Variants in ADAMTS2 observed in about 807,000 individuals in gnomAD.
ADAMTS2 encodes A disintegrin and metalloproteinase with thrombospondin motifs 2.
ADAMTS2 carries 50 observed loss-of-function variants against 123.0 expected under a neutral mutation model. The observed-to-expected ratio is 0.41, with a 90% confidence interval of 0.32 to 0.51. The LOEUF (loss-of-function observed/expected upper bound fraction) is 0.51. ADAMTS2 is among the 20% of genes least tolerant of loss of function. The pLI is 0.35. For missense variants in ADAMTS2, 1,494 were observed against 1,705.2 expected, an observed-to-expected ratio of 0.88 and a Z score of 2.18; for synonymous variants, 678 against 695.4, an observed-to-expected ratio of 0.98 and a Z score of 0.39.
At chr5:179,284,314 G>A (rs1391687681) in intron 2 of ADAMTS2, among the ~76,000 whole-genome samples, 4 of 151,894 alleles carry the variant, frequency 2.6e-5, no homozygotes, top group East Asian at 1.9e-4. Context: ...GGGCAACAGA[G>A]TGAGACTCCA....
At chr5:179,120,767 G>C (rs1762743995) in intron 21 of ADAMTS2, 1 of 152,170 alleles carries the variant, frequency 6.6e-6, no homozygotes, top group African/African-American at 2.4e-5. Context: ...CTCAGCCCAA[G>C]GAGAGAAGCC....
chr5:179,150,323 G>A (rs941572006), intron 10 of ADAMTS2, among the ~76,000 whole-genome samples: 1 of 152,238 alleles, frequency 6.6e-6, no homozygotes, highest in East Asian at 1.9e-4. Context: ...CTGAGGGCCT[G>A]TGGGAAGGGG....
rs1198834541 is a variant in ADAMTS2 at position 179,272,277 on chromosome 5, G to A, written c.688+634C>T. On this transcript the variant is annotated intron_variant, in intron 3 of 21. Coordinates refer to ENST00000251582, the MANE Select transcript of ADAMTS2 (RefSeq NM_014244.5). This position sits in a 1 kb window ranked among gnomAD's most constrained non-coding sequence, Gnocchi z 5.8. The stretch of plus-strand genomic sequence containing the variant: ...GCTCCTTTCACGTTTCTGGGCCCAG[G>A]GCACACGTGGGTTCTGAGTTGAAAA... 1.3e-5 allele frequency among the ~76,000 whole-genome samples: 2 copies of A among 152,214 alleles called. No individual in the cohort carries two copies. Among genetic ancestry groups the A allele is most frequent in the Admixed American group, 6.5e-5 (1 of 15,288 alleles).
chr5:179,136,861 T>G (rs1468586821), intron 12 of ADAMTS2, among the ~76,000 whole-genome samples: 1 of 151,034 alleles, frequency 6.6e-6, no homozygotes, highest in East Asian at 1.9e-4. Context: ...TCCCAGCTAC[T>G]CAGGAGGCTG....
intron 15 of ADAMTS2, among the ~76,000 whole-genome samples, chr5:179,131,669 C>T (rs972142067): frequency 1.3e-5 from 2 of 152,148 alleles, no homozygotes; most frequent in Non-Finnish European, 2.9e-5. Flanking sequence ...CCTGGGAGGG[C>T]GTGGTCTCCC....
rs1250932811 is a variant in ADAMTS2 at position 179,224,446 on chromosome 5, A to T, written c.689-16731T>A. Among the ~76,000 whole-genome samples the T allele has an allele frequency of 2.0e-5, 3 of 152,202 alleles. No individual in the cohort carries two copies. The East Asian group carries it at 5.8e-4, about 29-fold the overall frequency. On this transcript the variant is annotated intron_variant, in intron 3 of 21. Transcript: ENST00000251582. ...TCTCTGACCTAGACATATTTTGTTC[A>T]CATGTTGAACAGAGAGAAACGGTCT... is the stretch of plus-strand genomic sequence containing the variant.
intron 2 of ADAMTS2, among the ~76,000 whole-genome samples, chr5:179,288,456 T>G (rs1756089947): frequency 6.6e-6 from 1 of 152,226 alleles, no homozygotes; most frequent in Non-Finnish European, 1.5e-5. Flanking sequence ...GAGGGCCAGG[T>G]TGTCTGGGCT....
rs553496016 is a variant in ADAMTS2 at position 179,244,323 on chromosome 5, C to T, written c.688+28588G>A. On this transcript the variant is annotated intron_variant, in intron 3 of 21. Transcript: ENST00000251582. Reference sequence around the variant, plus strand: ...TGGGAATCCCAGTGGGATTTCCAGCCGACTTCTCCTAATAATGGAAGCCAG... The same window carrying T: ...TGGGAATCCCAGTGGGATTTCCAGCTGACTTCTCCTAATAATGGAAGCCAG... 6.8e-5 allele frequency among the ~76,000 whole-genome samples: 10 copies of T among 147,044 alleles called. No individual in the cohort carries two copies. The East Asian group carries it at 1.5e-3, about 23-fold the overall frequency.
chr5:179,299,488 C>A (rs1756446099), intron 2 of ADAMTS2, among the ~76,000 whole-genome samples: 3 of 146,092 alleles, frequency 2.1e-5, no homozygotes, highest in African/African-American at 5.1e-5. Flanking sequence ...AAGATCACAC[C>A]ACAGCACTCC....
chr5:179,268,810 C>T (rs368725855), intron 3 of ADAMTS2, among the ~76,000 whole-genome samples: 4 of 152,206 alleles, frequency 2.6e-5, no homozygotes, highest in African/African-American at 9.6e-5. Context: ...AGTGCTGCTC[C>T]TCCGCGTGAC....
chr5:179,240,879 G>T (rs944837516), intron 3 of ADAMTS2, among the ~76,000 whole-genome samples: 2 of 152,168 alleles, frequency 1.3e-5, no homozygotes, highest in Non-Finnish European at 2.9e-5. Context: ...GGTTTTGTCC[G>T]GTAAAGGGAA....
At position 179,189,496 on chromosome 5, in the gene ADAMTS2, C is replaced by T. The variant is rs535485110; in HGVS notation, c.892-8341G>A. Among the ~76,000 whole-genome samples, 34 of 144,534 alleles carry T rather than the reference C, an allele frequency of 2.4e-4. No individual in the cohort carries two copies. The highest frequency in any genetic ancestry group is 6.1e-4 in the East Asian group (3 of 4,928). 94.8% of individuals were successfully genotyped at this position (144,534 alleles called of 152,430 possible). On this transcript the variant is annotated intron_variant, in intron 4 of 21. Transcript: ENST00000251582. This position sits in a 1 kb window ranked among gnomAD's most constrained non-coding sequence, Gnocchi z 4.2. ...CCGAGTAGCTGGGGCTACAGGCGCC[C>T]GCCAGTGCGCCTGGTTTTTTTTTTT...
intron 3 of ADAMTS2, among the ~76,000 whole-genome samples, chr5:179,212,185 A>C (rs1764869064): frequency 6.6e-6 from 1 of 152,026 alleles, no homozygotes. Context: ...GCGGGCTCTG[A>C]GGGTGGGTAC....
At chr5:179,192,405 C>T (rs563892542) in intron 4 of ADAMTS2, among the ~76,000 whole-genome samples, 31 of 152,350 alleles carry the variant, frequency 2.0e-4, no homozygotes, top group Non-Finnish European at 2.8e-4. Flanking sequence ...TGGCGGGAAA[C>T]GGCTTTGCCC....
chr5:179,165,481 AGTCT>A (rs1389871963), intron 5 of ADAMTS2, among the ~76,000 whole-genome samples: 3 of 152,124 alleles, frequency 2.0e-5, no homozygotes, highest in Non-Finnish European at 4.4e-5. Context: ...CCTCTAGGAA[AGTCT>A]GTCTGTGTGA....
intron 2 of ADAMTS2, among the ~76,000 whole-genome samples, chr5:179,313,062 C>T (rs1034851059): frequency 3.3e-5 from 5 of 152,166 alleles, no homozygotes; most frequent in East Asian, 1.9e-4. Flanking sequence ...TGGACAACAT[C>T]GAAACCCGAT....
In ADAMTS2 at chr5:179,128,190, G is replaced by A. The variant is rs1581140711; in HGVS notation, c.2458-72C>T. ...TTCCTCCCCAGCCAGCTTAGGAACG[G>A]CAGCTGAGGCCGACTCCAGAGGAGT... On this transcript the variant is annotated intron_variant, in intron 16 of 21. Transcript: ENST00000251582. The surrounding 1 kb of genome is among the most constrained non-coding windows in gnomAD (Gnocchi z 4.9). 1.3e-6 allele frequency: 2 copies of A among 1,583,044 alleles called. No individual in the cohort carries two copies. Among genetic ancestry groups the A allele is most frequent in the Non-Finnish European group, 1.7e-6 (2 of 1,162,922 alleles).
intron 5 of ADAMTS2, among the ~76,000 whole-genome samples, chr5:179,176,977 C>T (rs1763946472): frequency 6.6e-6 from 1 of 152,090 alleles, no homozygotes; most frequent in Admixed American, 6.5e-5. Flanking sequence ...GTCACTTCCT[C>T]CCGTTGCTTT....
intron 10 of ADAMTS2, among the ~76,000 whole-genome samples, chr5:179,147,274 A>G (rs1763267562): frequency 6.6e-6 from 1 of 152,066 alleles, no homozygotes; most frequent in African/African-American, 2.4e-5. Flanking sequence ...TTTTTAGTAG[A>G]GATGGGGTTT....
Sources: allele counts gnomAD v4.1 joint callset (sites outside exome capture counted in the v4.1 genomes callset), GRCh38; gene constraint gnomAD v4.1.1; non-coding constraint Gnocchi (gnomAD v3.1); transcripts MANE v1.5; gene names NCBI Gene and HGNC (gene_info 2026-07-23, HGNC 2026-07-21).